Variants in STX7 observed in about 807,000 individuals in gnomAD.
STX7 encodes the protein syntaxin 7.
STX7 carries 34 observed loss-of-function variants against 39.6 expected under a neutral mutation model. The observed-to-expected ratio is 0.86, with a 90% CI of 0.65 to 1.14. The LOEUF (loss-of-function observed/expected upper bound fraction) is 1.14. Among genes scored for constraint, STX7 ranks in the 50% most tolerant of loss-of-function variants. The pLI is 0.00. For missense variants in STX7, 284 were observed against 310.4 expected, an observed-to-expected ratio of 0.92 and a Z score of 0.64; for synonymous variants, 119 against 99.1, an observed-to-expected ratio of 1.20 and a Z score of -1.19.
chr6:132,464,896 G>A (rs981196750), intron 8 of STX7, among the ~76,000 whole-genome samples: 4 of 152,080 alleles, frequency 2.6e-5, no homozygotes, highest in Admixed American at 6.5e-5. Flanking sequence ...GAGGTGGAAC[G>A]GGTGTCATTT....
chr6:132,511,212 T>C (rs779960992), intron 1 of STX7, among the ~76,000 whole-genome samples: 1 of 152,190 alleles, frequency 6.6e-6, no homozygotes, highest in Non-Finnish European at 1.5e-5. Context: ...GGGTAAATAT[T>C]ACCATTTCCA....
At chr6:132,502,343 C>T (rs898316566) in intron 2 of STX7, among the ~76,000 whole-genome samples, 2 of 152,138 alleles carry the variant, frequency 1.3e-5, no homozygotes, top group African/African-American at 4.8e-5. Flanking sequence ...AAGAATAAAA[C>T]TATATTAACA....
At chr6:132,509,462 CA>C (rs1562343495) in intron 1 of STX7, among the ~76,000 whole-genome samples, 372 of 10,792 alleles carry the variant, frequency 0.034, 14 homozygotes, top group Admixed American at 0.17. Flanking sequence ...AATAACATAA[CA>C]TAACATAACA....
Position 132,451,242 on chromosome 6 carries a change from G to A in STX7, c.*9516C>T, listed in dbSNP as rs1004269486. ...TTCCCAAATGGCTGGGATTACAGAT[G>A]TGCACCACCATGCCGGCTAATTTTT... On this transcript the variant is annotated 3_prime_UTR_variant, in exon 10 of 10. Transcript: ENST00000367941. 1 of 152,120 alleles carries A rather than the reference G, an allele frequency of 6.6e-6. No individual in the cohort carries two copies. The highest frequency in any genetic ancestry group is 6.6e-5 in the Admixed American group (1 of 15,250). The allele number at this position is 152,120 out of a possible 1,614,324, so 9.4% of individuals were successfully genotyped here. A position where few individuals can be genotyped will look rare whatever the true frequency, so the allele number is the denominator to read the frequency against.
chr6:132,471,959 C>T (rs1252575113), intron 4 of STX7, among the ~76,000 whole-genome samples: 1 of 152,138 alleles, frequency 6.6e-6, no homozygotes, highest in Non-Finnish European at 1.5e-5. Flanking sequence ...CCCAGGACAC[C>T]TCACATCTTG....
rs1178022876 is a variant in STX7, at chr6:132,453,601, C to T, written c.*7157G>A. On this transcript the variant is annotated 3_prime_UTR_variant, in exon 10 of 10. Coordinates refer to ENST00000367941, the MANE Select transcript of STX7 (RefSeq NM_003569.3). ...CTCAAAACTCAACAGAAAAAAAATC[C>T]AATTAGAAAAGACATGAAGAAACAT... is the stretch of plus-strand genomic sequence containing the variant. 6.6e-6 allele frequency: 1 copy of T among 151,480 alleles called. No individual in the cohort carries two copies. The highest frequency in any genetic ancestry group is 1.9e-4 in the East Asian group (1 of 5,176). 9.4% of individuals were successfully genotyped at this position (151,480 alleles called of 1,614,324 possible).
intron 2 of STX7, among the ~76,000 whole-genome samples, chr6:132,493,163 A>C (rs2788941): frequency 0.89 from 136,068 of 152,108 alleles, 61,094 homozygotes; most frequent in Middle Eastern, 0.98. Context: ...AAATAATGAT[A>C]ATGATAATGA....
intron 9 of STX7, among the ~76,000 whole-genome samples, chr6:132,462,727 A>T (rs1774445212): frequency 6.6e-6 from 1 of 152,158 alleles, no homozygotes; most frequent in Admixed American, 6.6e-5. Context: ...GATAATAAAC[A>T]GGAGTGACTG....
intron 9 of STX7, chr6:132,461,940 A>T: frequency 7.6e-7 from 1 of 1,311,920 alleles, no homozygotes; most frequent in East Asian, 2.5e-5. Context: ...TACATTTCTG[A>T]GTCTGAAATT....
At chr6:132,476,739 G>A (rs1399693263) in intron 2 of STX7, among the ~76,000 whole-genome samples, 2 of 151,908 alleles carry the variant, frequency 1.3e-5, no homozygotes, top group Non-Finnish European at 2.9e-5. Context: ...AAAAGTCCAG[G>A]GCTTAAAAGT....
Position 132,446,393 on chromosome 6 carries a change from T to A in STX7, c.*14365A>T, listed in dbSNP as rs1774013116. The A allele has an allele frequency of 6.6e-6, 1 of 152,184 alleles. No homozygotes were observed. Among genetic ancestry groups the A allele is most frequent in the Admixed American group, 6.5e-5 (1 of 15,270 alleles). 9.4% of individuals were successfully genotyped at this position (152,184 alleles called of 1,614,324 possible). A position where few individuals can be genotyped will look rare whatever the true frequency, so the allele number is the denominator to read the frequency against. On this transcript the variant is annotated 3_prime_UTR_variant, in exon 10 of 10. Transcript: ENST00000367941. ...AGTTTGAAAGAAACCTTTTATACAA[T>A]GTTTTCATTGTCTTGTTCTTTTTCT...
chr6:132,470,506 C>A, intron 6 of STX7, 68 bp downstream of exon 6: 1 of 1,158,040 alleles, frequency 8.6e-7, no homozygotes, highest in Non-Finnish European at 1.3e-6. Flanking sequence ...TAATTCTGTT[C>A]CAGGGACCTT....
rs936189252 is a variant in STX7 at position 132,448,218 on chromosome 6, C to T, written c.*12540G>A. 6 of 152,100 alleles carry T rather than the reference C, an allele frequency of 3.9e-5. No individual in the cohort carries two copies. The highest frequency in any genetic ancestry group is 7.2e-5 in the African/African-American group (3 of 41,428). 9.4% of individuals were successfully genotyped at this position (152,100 alleles called of 1,614,324 possible). A position where few individuals can be genotyped will look rare whatever the true frequency, so the allele number is the denominator to read the frequency against. ...TAAAATGTTGCTAGTATTTTAATTA[C>T]GCTCTTTTTTACTCCACAGAGTAAA... On this transcript the variant is annotated 3_prime_UTR_variant, in exon 10 of 10. Transcript: ENST00000367941.
At chr6:132,502,727 G>C (rs757968175) in intron 2 of STX7, among the ~76,000 whole-genome samples, 1 of 151,882 alleles carries the variant, frequency 6.6e-6, no homozygotes, top group Non-Finnish European at 1.5e-5. Flanking sequence ...GTGAAACCCC[G>C]TCTCTACTAA....
intron 1 of STX7, among the ~76,000 whole-genome samples, chr6:132,512,559 G>T (rs1775875223): frequency 6.6e-6 from 1 of 152,190 alleles, no homozygotes; most frequent in Non-Finnish European, 1.5e-5. Flanking sequence ...ACATTTTTCA[G>T]TTCCTCTATA....
intron 3 of STX7, 35 bp from the exon 4 acceptor site, chr6:132,472,410 C>CTAATA (rs1774750322): frequency 2.0e-6 from 3 of 1,494,480 alleles, no homozygotes; most frequent in Non-Finnish European, 2.8e-6. Context: ...AGCCAAAGGA[C>CTAATA]TAATATACTT....
At position 132,469,939 on chromosome 6, in the gene STX7, T is replaced by C. The variant is rs369075949; in HGVS notation, c.537+12A>G. The C allele has an allele frequency of 6.3e-7, 1 of 1,589,830 alleles. No homozygotes were observed. The highest frequency in any genetic ancestry group is 1.1e-5 in the South Asian group (1 of 87,640). Reference sequence around the variant, plus strand: ...CCAGAGCAGCAGCCCAAGTCTACAATGTAAGCCTTACTTCAAGTTGCCTGA... The same window carrying C: ...CCAGAGCAGCAGCCCAAGTCTACAACGTAAGCCTTACTTCAAGTTGCCTGA... On this transcript the variant is annotated intron_variant, in intron 7 of 9. Coordinates refer to ENST00000367941, the MANE Select transcript of STX7 (RefSeq NM_003569.3).
Position 132,446,046 on chromosome 6 carries a change from G to A in STX7, c.*14712C>T, listed in dbSNP as rs1347931377. ...CACAGAGGGTTAAGGTATTAAAGAT[G>A]AAAGCTAGTACCCTTACAACTATTT... On this transcript the variant is annotated 3_prime_UTR_variant, in exon 10 of 10. Transcript: ENST00000367941. The A allele has an allele frequency of 1.3e-5, 2 of 152,186 alleles. No homozygotes were observed. The highest frequency in any genetic ancestry group is 2.9e-5 in the Non-Finnish European group (2 of 68,028). The allele number at this position is 152,186 out of a possible 1,614,324, so 9.4% of individuals were successfully genotyped here.
Position 132,461,850 on chromosome 6 carries a change from G to A in STX7, c.694-1000C>T, listed in dbSNP as rs746227439. On this transcript the variant is annotated intron_variant, in intron 9 of 9. Transcript: ENST00000367941. The stretch of plus-strand genomic sequence containing the variant: ...GTTTGTACCTCACATCAACATGCAG[G>A]AATCCTTTTTCTTACAAAGTAGAAA... 1.9e-6 allele frequency: 3 copies of A among 1,541,032 alleles called. No individual in the cohort carries two copies. In the South Asian group the frequency reaches 3.7e-5, roughly 19 times the overall value.
Sources: allele counts gnomAD v4.1 joint callset (sites outside exome capture counted in the v4.1 genomes callset), GRCh38; gene constraint gnomAD v4.1.1; transcripts MANE v1.5; gene names NCBI Gene and HGNC (gene_info 2026-07-23, HGNC 2026-07-21).